GOLGA2: variants seen among roughly 807,000 people sequenced by gnomAD.
GOLGA2 encodes the protein golgin A2.
In GOLGA2, 49 loss-of-function variants were observed where a neutral mutation model predicts 148.8. The ratio of observed to expected loss-of-function variants is 0.33; its 90% CI spans 0.26 to 0.42. The LOEUF (loss-of-function observed/expected upper bound fraction) is 0.42, where lower values mean the gene tolerates loss of function less well. Among genes scored for constraint, GOLGA2 ranks in the 10% least tolerant of loss-of-function variants. GOLGA2 has a pLI of 1.00. For synonymous variants in GOLGA2, 501 were observed against 511.8 expected, an observed-to-expected ratio of 0.98 and a Z score of 0.28; for missense variants, 1,178 against 1,304.6, an observed-to-expected ratio of 0.90 and a Z score of 1.49.
In GOLGA2 at chr9:128,258,405, G is replaced by A; in HGVS notation, c.2289+50C>T. On this transcript the variant is annotated intron_variant, in intron 22 of 26. Transcript: ENST00000611957. The surrounding 1 kb of genome is among the most constrained non-coding windows in gnomAD (Gnocchi z 6.6). ...ACCAAGAGCAGAAGGGGGTCTGGGA[G>A]GGACCACAGAGGGAGGCAGCAAAGG... is the stretch of plus-strand genomic sequence containing the variant. 2.0e-6 allele frequency: 3 copies of A among 1,489,946 alleles called. No homozygotes were observed. The highest frequency in any genetic ancestry group is 2.8e-6 in the Non-Finnish European group (3 of 1,068,182). 92.3% of individuals were successfully genotyped at this position (1,489,946 alleles called of 1,614,324 possible). A position where few individuals can be genotyped will look rare whatever the true frequency, so the allele number is the denominator to read the frequency against.
At chr9:128,259,812 G>A (rs1256836520) in intron 19 of GOLGA2, among the ~76,000 whole-genome samples, 2 of 152,212 alleles carry the variant, frequency 1.3e-5, no homozygotes, top group Non-Finnish European at 2.9e-5. Flanking sequence ...TGAATCTAAG[G>A]AGCCTCTTAT....
In GOLGA2 at chr9:128,256,999, G is replaced by A. The variant is rs1416732164; in HGVS notation, c.*68C>T. 1 of 1,171,500 alleles carries A rather than the reference G, an allele frequency of 8.5e-7. No homozygotes were observed. 72.6% of individuals were successfully genotyped at this position (1,171,500 alleles called of 1,614,324 possible). ...GGTAAAGGGTTGACTGAGAAGGGAT[G>A]GTAGGGATATGGTGGGGGCAGGGTA... is the stretch of plus-strand genomic sequence containing the variant. On this transcript the variant is annotated 3_prime_UTR_variant, in exon 27 of 27. Transcript: ENST00000611957.
chr9:128,259,170 G>A lies in GOLGA2; in HGVS notation c.2094C>T (p.Thr698=), dbSNP rs751415915. Reference sequence around the variant, plus strand: ...CTGCCCTCACCAACTCCCTCACCTGGGTTTCCTGCAACTCTTGGCGGGCCA... The same window carrying A: ...CTGCCCTCACCAACTCCCTCACCTGAGTTTCCTGCAACTCTTGGCGGGCCA... ...AEMARQELQE[T]QERLEAATQQ... Residue 698 remains threonine, a synonymous_variant, in exon 20 of 27, where the codon ACC becomes ACT. Transcript: ENST00000611957. 6.2e-7 allele frequency: 1 copy of A among 1,603,640 alleles called. No homozygotes were observed. Among genetic ancestry groups the A allele is most frequent in the Admixed American group, 1.7e-5 (1 of 59,124 alleles).
In GOLGA2 at chr9:128,259,021, G is replaced by T. The variant is rs1186578140; in HGVS notation, c.2159C>A (p.Ala720Asp). 1 of 1,602,492 alleles carries T rather than the reference G, an allele frequency of 6.2e-7. No individual in the cohort carries two copies. The highest frequency in any genetic ancestry group is 1.7e-5 in the Admixed American group (1 of 60,008). The change falls in exon 21 of 27, where the codon GCT becomes GAT. Residue 720 changes from alanine (A) to aspartate (D), a missense_variant. By Grantham distance (126) the Ala-to-Asp change is moderately radical (BLOSUM62 -2). Transcript: ENST00000611957. The stretch of plus-strand genomic sequence containing the variant: ...GGTTCCCGTACCTTCCCCAGGGTGA[G>T]CCATGAGGCTCAACTGGGCCCGTAG... The part of the protein sequence containing the change: ...QQLRAQLSLM[A>D]HPGEGDGLDR...
rs375356162 is a variant in GOLGA2 at position 128,258,427 on chromosome 9, A to C, written c.2289+28T>G. The C allele has an allele frequency of 6.9e-6, 11 of 1,586,786 alleles. No individual in the cohort carries two copies. In the African/African-American group the frequency reaches 9.4e-5, roughly 14 times the overall value. ...GGAGGGACCACAGAGGGAGGCAGCA[A>C]AGGTTGGGGAGGGGGAGTCAGCCTC... is the stretch of plus-strand genomic sequence containing the variant. On this transcript the variant is annotated intron_variant, in intron 22 of 26. Transcript: ENST00000611957. This position sits in a 1 kb window ranked among gnomAD's most constrained non-coding sequence, Gnocchi z 6.6.
Position 128,256,881 on chromosome 9 carries a change from A to T in GOLGA2, c.*186T>A. 2.0e-6 allele frequency: 1 copy of T among 494,472 alleles called. No individual in the cohort carries two copies. The highest frequency in any genetic ancestry group is 4.1e-5 in the South Asian group (1 of 24,196). 30.6% of individuals were successfully genotyped at this position (494,472 alleles called of 1,614,324 possible). On this transcript the variant is annotated 3_prime_UTR_variant, in exon 27 of 27. Transcript: ENST00000611957. ...ATCCCATAACTTTTAATTTTTTTTT[A>T]ATTTAGTGGCCAGCTTTTAGATGAC...
chr9:128,257,937 C>T lies in GOLGA2; in HGVS notation c.2508+43G>A, dbSNP rs367985589. Reference sequence around the variant, plus strand: ...GTCATATATCGGCAGCGACCTGCCCCGCCCCCACCCTTCTTGACCCATGCC... The same window carrying T: ...GTCATATATCGGCAGCGACCTGCCCTGCCCCCACCCTTCTTGACCCATGCC... On this transcript the variant is annotated intron_variant, in intron 23 of 26. Transcript: ENST00000611957. The surrounding 1 kb of genome is among the most constrained non-coding windows in gnomAD (Gnocchi z 8.0). 1,148 of 1,605,402 alleles carry T rather than the reference C, an allele frequency of 7.2e-4. 8 individuals are homozygous for T. The African/African-American group carries it at 0.014, about 19-fold the overall frequency.
Position 128,271,694 on chromosome 9 carries a change from T to C in GOLGA2, c.288+1091A>G, listed in dbSNP as rs1830957784. Among the ~76,000 whole-genome samples, 1 of 152,100 alleles carries C rather than the reference T, an allele frequency of 6.6e-6. No individual in the cohort carries two copies. The highest frequency in any genetic ancestry group is 1.5e-5 in the Non-Finnish European group (1 of 68,020). ...CCACCTTCTCCAGCCTGGAGTCCATTTGGAACCAACCTCCCCCCGAGCTGA... is the reference window on the plus strand; with the variant it reads ...CCACCTTCTCCAGCCTGGAGTCCATCTGGAACCAACCTCCCCCCGAGCTGA... On this transcript the variant is annotated intron_variant, in intron 3 of 26. Coordinates refer to ENST00000611957, the MANE Select transcript of GOLGA2 (RefSeq NM_001366244.2). This position sits in a 1 kb window ranked among gnomAD's most constrained non-coding sequence, Gnocchi z 4.4.
chr9:128,259,105 G>A (rs1212642868), intron 20 of GOLGA2, 23 bp from the exon 21 acceptor site: 19 of 1,606,716 alleles, frequency 1.2e-5, no homozygotes, highest in Non-Finnish European at 1.4e-5. Context: ...AAAAGAGAGT[G>A]AGAAGGCATG....
Position 128,265,840 on chromosome 9 carries a change from A to G in GOLGA2, c.774T>C (p.Ala258=). Residue 258 remains alanine, a synonymous_variant, in exon 11 of 27, where the codon GCT becomes GCC. Coordinates refer to ENST00000611957, the MANE Select transcript of GOLGA2 (RefSeq NM_001366244.2). Reference sequence around the variant, plus strand: ...TGTGAGCCAGGGCTGTCTGTAACTCAGCTTTCTCTGATACGAGGATCCCTA... The same window carrying G: ...TGTGAGCCAGGGCTGTCTGTAACTCGGCTTTCTCTGATACGAGGATCCCTA... ...QTIGILVSEK[A]ELQTALAHTQ... is the part of the protein sequence containing the mutation. 2 of 1,613,998 alleles carry G rather than the reference A, an allele frequency of 1.2e-6. No individual in the cohort carries two copies. The highest frequency in any genetic ancestry group is 1.7e-6 in the Non-Finnish European group (2 of 1,179,846).
At position 128,261,795 on chromosome 9, in the gene GOLGA2, C is replaced by T. The variant is rs192343613; in HGVS notation, c.1135-38G>A. 522 of 1,409,118 alleles carry T rather than the reference C, an allele frequency of 3.7e-4. 2 individuals carry two copies. In the African/African-American group the frequency reaches 6.8e-3, roughly 18 times the overall value. The allele number at this position is 1,409,118 out of a possible 1,614,324, so 87.3% of individuals were successfully genotyped here. On this transcript the variant is annotated intron_variant, in intron 14 of 26. Transcript: ENST00000611957. This position sits in a 1 kb window ranked among gnomAD's most constrained non-coding sequence, Gnocchi z 5.7. Reference sequence around the variant, plus strand: ...GAGCGAGAAGTTTAGATCTGGGGAGCCCAGGCCGTTCCAAATAGTGCCCCT... The same window carrying T: ...GAGCGAGAAGTTTAGATCTGGGGAGTCCAGGCCGTTCCAAATAGTGCCCCT...
Position 128,258,416 on chromosome 9 carries a change from G to A in GOLGA2, c.2289+39C>T, listed in dbSNP as rs1455425821. 2 of 1,552,232 alleles carry A rather than the reference G, an allele frequency of 1.3e-6. No homozygotes were observed. Among genetic ancestry groups the A allele is most frequent in the Admixed American group, 1.7e-5 (1 of 59,778 alleles). On this transcript the variant is annotated intron_variant, in intron 22 of 26. Coordinates refer to ENST00000611957, the MANE Select transcript of GOLGA2 (RefSeq NM_001366244.2). This position sits in a 1 kb window ranked among gnomAD's most constrained non-coding sequence, Gnocchi z 6.6. The stretch of plus-strand genomic sequence containing the variant: ...AAGGGGGTCTGGGAGGGACCACAGA[G>A]GGAGGCAGCAAAGGTTGGGGAGGGG...
rs188337148 is a variant in GOLGA2, at chr9:128,268,415, C to T, written c.393+5G>A. 8 of 1,546,926 alleles carry T rather than the reference C, an allele frequency of 5.2e-6. No homozygotes were observed. The highest frequency in any genetic ancestry group is 2.2e-5 in the East Asian group (1 of 44,566). On this transcript the variant is annotated splice_donor_5th_base_variant and intron_variant, in intron 4 of 26. Coordinates refer to ENST00000611957, the MANE Select transcript of GOLGA2 (RefSeq NM_001366244.2). The stretch of plus-strand genomic sequence containing the variant: ...GCAGTGGGCAGAGGGGGAGGAGGCA[C>T]GAACCTGAGATGCCGCCATGCTAGT...
At chr9:128,259,462 G>T in intron 19 of GOLGA2, 71 bp from the exon 20 acceptor site, 1 of 982,390 alleles carries the variant, frequency 1.0e-6, no homozygotes, top group Non-Finnish European at 1.5e-6. Context: ...AAATAGGGTA[G>T]CGAGGGCTCT....
rs1028462172 is a variant in GOLGA2 at position 128,271,256 on chromosome 9, C to T, written c.288+1529G>A. ...TCCCCAGCCGTACCACTCAGCGTCT[C>T]CTCTGAGCTGGCAAGGTGAGTCACA... On this transcript the variant is annotated intron_variant, in intron 3 of 26. Coordinates refer to ENST00000611957, the MANE Select transcript of GOLGA2 (RefSeq NM_001366244.2). This position sits in a 1 kb window ranked among gnomAD's most constrained non-coding sequence, Gnocchi z 4.4. Among the ~76,000 whole-genome samples, 1 of 152,148 alleles carries T rather than the reference C, an allele frequency of 6.6e-6. No individual in the cohort carries two copies.
At chr9:128,259,465 A>G in intron 19 of GOLGA2, 74 bp from the exon 20 acceptor site, 1 of 955,202 alleles carries the variant, frequency 1.0e-6, no homozygotes, top group Non-Finnish European at 1.6e-6. Flanking sequence ...TAGGGTAGCG[A>G]GGGCTCTGTC....
In GOLGA2 at chr9:128,257,136, G is replaced by A; in HGVS notation, c.3021C>T (p.Gly1007=). 6.2e-7 allele frequency: 1 copy of A among 1,614,146 alleles called. No individual in the cohort carries two copies. Among genetic ancestry groups the A allele is most frequent in the Non-Finnish European group, 8.5e-7 (1 of 1,179,978 alleles). ...MQNPRERPGL[G]SNPCIPFFYR... is the part of the protein sequence containing the mutation. ...AAAAAAAAGGAATGCAGGGGTTGCT[G>A]CCCAAGCCTGGGCGCTCCCGGGGGT... The change falls in exon 27 of 27, where the codon GGC becomes GGT. Residue 1007 remains glycine (G), a synonymous_variant. Transcript: ENST00000611957. The surrounding 1 kb of genome is among the most constrained non-coding windows in gnomAD (Gnocchi z 8.0).
intron 12 of GOLGA2, among the ~76,000 whole-genome samples, chr9:128,264,383 C>A (rs537810623): frequency 6.7e-6 from 1 of 149,822 alleles, no homozygotes; most frequent in Non-Finnish European, 1.5e-5. Flanking sequence ...TACAGGCATG[C>A]GCCATCATGC....
chr9:128,264,431 T>G (rs1160571918), intron 12 of GOLGA2, among the ~76,000 whole-genome samples: 1 of 150,530 alleles, frequency 6.6e-6, no homozygotes, highest in East Asian at 2.0e-4. Flanking sequence ...ATTTATTTAT[T>G]TATTTATTTA....
Sources: gnomAD v4.1 joint callset for allele counts (sites outside exome capture counted in the v4.1 genomes callset) on GRCh38, gnomAD v4.1.1 for gene constraint, Gnocchi (gnomAD v3.1) non-coding constraint, MANE v1.5 for transcripts, NCBI Gene and HGNC (gene_info 2026-07-23, HGNC 2026-07-21) for gene names.